GRID2: variants seen among roughly 807,000 people sequenced by gnomAD.
The protein encoded by GRID2 is glutamate ionotropic receptor delta type subunit 2.
GRID2 carries 33 observed loss-of-function variants against 114.8 expected under a neutral mutation model. That is an observed-to-expected ratio of 0.29 (90% CI 0.22 to 0.38). The LOEUF is 0.38. Among genes scored for constraint, GRID2 ranks in the 10% least tolerant of loss-of-function variants. GRID2 has a pLI of 1.00. For missense variants in GRID2, 1,184 were observed against 1,257.7 expected, an observed-to-expected ratio of 0.94 and a Z score of 0.89; for synonymous variants, 505 against 449.9, an observed-to-expected ratio of 1.12 and a Z score of -1.55.
chr4:92,959,057 C>CT (rs74267681), intron 2 of GRID2, among the ~76,000 whole-genome samples: 2,240 of 70,842 alleles, frequency 0.032, 76 homozygotes, highest in African/African-American at 0.094. Flanking sequence ...GTCCACTCTT[C>CT]TTTTTTTTTT....
At chr4:93,756,685 A>G (rs1042417015) in intron 14 of GRID2, among the ~76,000 whole-genome samples, 23 of 152,214 alleles carry the variant, frequency 1.5e-4, no homozygotes, top group Admixed American at 5.2e-4. Flanking sequence ...AAATATCATT[A>G]CAATGGGGCT....
chr4:92,717,035 C>A (rs1344430623), intron 2 of GRID2, among the ~76,000 whole-genome samples: 1 of 152,140 alleles, frequency 6.6e-6, no homozygotes, highest in Non-Finnish European at 1.5e-5. Context: ...AAGGATGCTG[C>A]CCCATTGCAG....
intron 13 of GRID2, among the ~76,000 whole-genome samples, chr4:93,597,410 A>G (rs1008375812): frequency 2.0e-5 from 3 of 152,196 alleles, no homozygotes; most frequent in Admixed American, 1.3e-4. Context: ...CTTCTAGTTC[A>G]CAGGGAAACA....
intron 2 of GRID2, among the ~76,000 whole-genome samples, chr4:92,834,394 G>A (rs1742315711): frequency 6.6e-6 from 1 of 152,008 alleles, no homozygotes; most frequent in African/African-American, 2.4e-5. Context: ...TAAGCCTTAT[G>A]TGTTGTTGTC....
At chr4:93,448,323 G>A (rs778217445) in intron 10 of GRID2, among the ~76,000 whole-genome samples, 5 of 151,672 alleles carry the variant, frequency 3.3e-5, no homozygotes, top group Non-Finnish European at 5.9e-5. Flanking sequence ...AATCTTTCTA[G>A]ATAGTAAAAG....
chr4:93,154,200 C>A (rs1442154017), intron 4 of GRID2, among the ~76,000 whole-genome samples: 2 of 152,138 alleles, frequency 1.3e-5, no homozygotes, highest in Admixed American at 6.6e-5. Flanking sequence ...TATTCAGTTG[C>A]TATGCACCAG....
chr4:93,289,174 A>G (rs1753483759), intron 8 of GRID2, among the ~76,000 whole-genome samples: 1 of 152,190 alleles, frequency 6.6e-6, no homozygotes, highest in Admixed American at 6.5e-5. Flanking sequence ...TGGTGCCAAG[A>G]AGCTTCATAG....
At chr4:93,234,814 G>A (rs1052791695) in intron 7 of GRID2, among the ~76,000 whole-genome samples, 1 of 152,020 alleles carries the variant, frequency 6.6e-6, no homozygotes, top group Non-Finnish European at 1.5e-5. Context: ...GCACCTCCCA[G>A]AGTATTCACT....
intron 3 of GRID2, among the ~76,000 whole-genome samples, chr4:93,105,232 G>A (rs950543058): frequency 1.1e-4 from 16 of 152,048 alleles, no homozygotes; most frequent in South Asian, 4.2e-4. Flanking sequence ...AGTAGGTTGC[G>A]AAAATTTTCT....
intron 13 of GRID2, among the ~76,000 whole-genome samples, chr4:93,572,897 T>C (rs1264742628): frequency 6.6e-6 from 1 of 152,156 alleles, no homozygotes; most frequent in Non-Finnish European, 1.5e-5. Context: ...CTCAGGTCTG[T>C]ATTATTGTAC....
chr4:92,478,182 C>G (rs141402996), intron 1 of GRID2, among the ~76,000 whole-genome samples: 49 of 151,918 alleles, frequency 3.2e-4, no homozygotes, highest in African/African-American at 1.1e-3. Context: ...TATCTTTTTC[C>G]TCTAGTGCTC....
At chr4:92,491,154 T>C (rs550069055) in intron 1 of GRID2, among the ~76,000 whole-genome samples, 1 of 152,296 alleles carries the variant, frequency 6.6e-6, no homozygotes, top group African/African-American at 2.4e-5. Context: ...AAATATTTGC[T>C]GAATCACTAT....
intron 3 of GRID2, among the ~76,000 whole-genome samples, chr4:93,106,865 G>T (rs557121154): frequency 6.6e-6 from 1 of 152,060 alleles, no homozygotes; most frequent in Non-Finnish European, 1.5e-5. Flanking sequence ...TGGGAAGAGT[G>T]GTGGTCTCTT....
At chr4:93,071,090 A>T (rs1728768561) in intron 2 of GRID2, among the ~76,000 whole-genome samples, 1 of 152,142 alleles carries the variant, frequency 6.6e-6, no homozygotes, top group Non-Finnish European at 1.5e-5. Context: ...AATGCCAAAC[A>T]ACACTTTTCT....
At chr4:93,371,746 T>TC (rs1404226413) in intron 8 of GRID2, among the ~76,000 whole-genome samples, 1 of 137,438 alleles carries the variant, frequency 7.3e-6, no homozygotes, top group Non-Finnish European at 1.6e-5. Context: ...TATTTCTTTT[T>TC]TTTTTTTTTT....
At chr4:93,437,254 A>G (rs1056731164) in intron 10 of GRID2, among the ~76,000 whole-genome samples, 7 of 152,148 alleles carry the variant, frequency 4.6e-5, no homozygotes, top group African/African-American at 1.7e-4. Flanking sequence ...TCAATGTTGT[A>G]GATGATGAAA....
At chr4:92,311,648 C>A (rs927281625) in intron 1 of GRID2, among the ~76,000 whole-genome samples, 1 of 151,780 alleles carries the variant, frequency 6.6e-6, no homozygotes, top group South Asian at 2.1e-4. Context: ...TGATTTTTTT[C>A]ATAAGTAAGC....
intron 2 of GRID2, among the ~76,000 whole-genome samples, chr4:93,068,584 A>G (rs1450587105): frequency 6.6e-6 from 1 of 152,064 alleles, no homozygotes; most frequent in Non-Finnish European, 1.5e-5. Context: ...TCCTGTAAAG[A>G]TATAGGGAAG....
At chr4:93,409,160 G>C (rs544289765) in intron 9 of GRID2, among the ~76,000 whole-genome samples, 1 of 152,190 alleles carries the variant, frequency 6.6e-6, no homozygotes, top group Admixed American at 6.5e-5. Flanking sequence ...TTAGGGGCCT[G>C]TGAATTAACT....
Sources: allele counts gnomAD v4.1 joint callset (sites outside exome capture counted in the v4.1 genomes callset), GRCh38; gene constraint gnomAD v4.1.1; transcripts MANE v1.5; gene names NCBI Gene and HGNC (gene_info 2026-07-23, HGNC 2026-07-21).